PCDHGA7: variants seen among roughly 807,000 people sequenced by gnomAD.
The protein encoded by PCDHGA7 is protocadherin gamma-A7.
In PCDHGA7, 44 loss-of-function variants were observed where a neutral mutation model predicts 58.3. The ratio of observed to expected loss-of-function variants is 0.75; its 90% CI spans 0.59 to 0.97. The LOEUF (loss-of-function observed/expected upper bound fraction) is 0.97, where lower values mean the gene tolerates loss of function less well. Among genes scored for constraint, PCDHGA7 ranks in the 50% least tolerant of loss-of-function variants. The pLI is 0.00. For missense variants in PCDHGA7, 1,266 were observed against 1,188.7 expected (o/e 1.06, Z -0.96); for synonymous variants, 516 against 504.2 (o/e 1.02, Z -0.31).
rs2099631185 is a variant in PCDHGA7, at chr5:141,486,568, T to C, written c.2425-8239T>C. Reference sequence around the variant, plus strand: ...AGAGGTCACATGAGGTGTTTGTTCCTGAGAACAATCGCCCAGGGGACCTGC... The same window carrying C: ...AGAGGTCACATGAGGTGTTTGTTCCCGAGAACAATCGCCCAGGGGACCTGC... On this transcript the variant is annotated intron_variant, in intron 1 of 3. Coordinates refer to ENST00000518325, the MANE Select transcript of PCDHGA7 (RefSeq NM_018920.4). The surrounding 1 kb of genome is among the most constrained non-coding windows in gnomAD (Gnocchi z 5.0). 1.9e-6 allele frequency: 3 copies of C among 1,613,862 alleles called. No homozygotes were observed. The South Asian group carries it at 3.3e-5, about 18-fold the overall frequency.
At position 141,404,169 on chromosome 5, in the gene PCDHGA7, C is replaced by A; in HGVS notation, c.2424+18846C>A. On this transcript the variant is annotated intron_variant, in intron 1 of 3. Transcript: ENST00000518325. Reference sequence around the variant, plus strand: ...GAAGAAGATTATTACAGATTGTTGACGGCCCAAATTCTTGACCGAGAAAAA... The same window carrying A: ...GAAGAAGATTATTACAGATTGTTGAAGGCCCAAATTCTTGACCGAGAAAAA... 1 of 1,612,736 alleles carries A rather than the reference C, an allele frequency of 6.2e-7. No individual in the cohort carries two copies. The highest frequency in any genetic ancestry group is 8.5e-7 in the Non-Finnish European group (1 of 1,179,276).
Position 141,449,530 on chromosome 5 carries a change from A to G in PCDHGA7, c.2425-45277A>G, listed in dbSNP as rs2098641850. On this transcript the variant is annotated intron_variant, in intron 1 of 3. Transcript: ENST00000518325. ...CTTGAACCTGGGAGGCGGAGGTTGC[A>G]GTGAGCCGAGATCGCACCACTGCAC... Among the ~76,000 whole-genome samples, 4 of 149,684 alleles carry G rather than the reference A, an allele frequency of 2.7e-5. No individual in the cohort carries two copies. The South Asian group carries it at 8.5e-4, about 32-fold the overall frequency.
chr5:141,504,200 G>C (rs1232187138), intron 2 of PCDHGA7, among the ~76,000 whole-genome samples: 1 of 152,154 alleles, frequency 6.6e-6, no homozygotes, highest in Non-Finnish European at 1.5e-5. Context: ...TTGTCACTGT[G>C]GGAAAATTCC....
intron 1 of PCDHGA7, chr5:141,421,143 A>T (rs2096549098): frequency 3.1e-6 from 3 of 964,414 alleles, no homozygotes; most frequent in Non-Finnish European, 4.5e-6. Flanking sequence ...TTTTGGATGT[A>T]GTCGGCCTAG....
intron 1 of PCDHGA7, chr5:141,398,380 C>G: frequency 6.9e-7 from 1 of 1,455,908 alleles, no homozygotes; most frequent in South Asian, 1.2e-5. Flanking sequence ...CGGGGAGTTG[C>G]TTGTGAGCAG....
Position 141,431,994 on chromosome 5 carries a change from G to A in PCDHGA7, c.2424+46671G>A, listed in dbSNP as rs2097434865. ...TTAGTCACAGACATAGTCTTGGATA[G>A]GGAACAGGTTCCTAGCTACAACATC... On this transcript the variant is annotated intron_variant, in intron 1 of 3. Coordinates refer to ENST00000518325, the MANE Select transcript of PCDHGA7 (RefSeq NM_018920.4). The surrounding 1 kb of genome is among the most constrained non-coding windows in gnomAD (Gnocchi z 4.8). 6.2e-7 allele frequency: 1 copy of A among 1,614,188 alleles called. No homozygotes were observed. Among genetic ancestry groups the A allele is most frequent in the Non-Finnish European group, 8.5e-7 (1 of 1,180,038 alleles).
chr5:141,489,268 G>C lies in PCDHGA7; in HGVS notation c.2425-5539G>C. 6.4e-7 allele frequency: 1 copy of C among 1,553,286 alleles called. No individual in the cohort carries two copies. The highest frequency in any genetic ancestry group is 8.7e-7 in the Non-Finnish European group (1 of 1,149,780). ...GGGGCCCAAGACACTCCCACAGCTC[G>C]CTGGGAAATGGCAAGTGCTGTGCAT... On this transcript the variant is annotated intron_variant, in intron 1 of 3. Transcript: ENST00000518325. The surrounding 1 kb of genome is among the most constrained non-coding windows in gnomAD (Gnocchi z 4.5).
rs748803155 is a variant in PCDHGA7, at chr5:141,490,087, G to A, written c.2425-4720G>A. On this transcript the variant is annotated intron_variant, in intron 1 of 3. Coordinates refer to ENST00000518325, the MANE Select transcript of PCDHGA7 (RefSeq NM_018920.4). The surrounding 1 kb of genome is among the most constrained non-coding windows in gnomAD (Gnocchi z 5.4). ...CGGCCAACTAGACTATTCTTTTGGA[G>A]ACCACACATCTGAGGCAGTGCGGAA... 2.5e-6 allele frequency: 4 copies of A among 1,614,244 alleles called. No homozygotes were observed. The highest frequency in any genetic ancestry group is 1.3e-5 in the African/African-American group (1 of 75,068).
At chr5:141,433,560 G>A (rs1276743163) in intron 1 of PCDHGA7, among the ~76,000 whole-genome samples, 1 of 152,110 alleles carries the variant, frequency 6.6e-6, no homozygotes, top group East Asian at 1.9e-4. Flanking sequence ...TTCTGGCTGG[G>A]CGCGGTGGCT....
intron 1 of PCDHGA7, chr5:141,395,535 C>A: frequency 3.6e-5 from 12 of 331,892 alleles, no homozygotes; most frequent in Admixed American, 5.0e-5. Context: ...GGTAATTTTG[C>A]TATTGTTTGT....
At position 141,432,993 on chromosome 5, in the gene PCDHGA7, G is replaced by C. The variant is rs749499789; in HGVS notation, c.2424+47670G>C. 7 of 1,614,208 alleles carry C rather than the reference G, an allele frequency of 4.3e-6. No homozygotes were observed. In the South Asian group the frequency reaches 7.7e-5, roughly 18 times the overall value. On this transcript the variant is annotated intron_variant, in intron 1 of 3. Transcript: ENST00000518325. This position sits in a 1 kb window ranked among gnomAD's most constrained non-coding sequence, Gnocchi z 6.0. ...GCGTCGCACTTTGTGGGCGTGGACG[G>C]GGTGCAGGCTTTCCTGCAGACCTAT...
At chr5:141,423,880 G>A in intron 1 of PCDHGA7, 1 of 1,282,292 alleles carries the variant, frequency 7.8e-7, no homozygotes, top group Middle Eastern at 2.9e-4. Context: ...TTTCAATCTT[G>A]GCATATTTTC....
intron 1 of PCDHGA7, among the ~76,000 whole-genome samples, chr5:141,467,938 C>A (rs527892047): frequency 9.8e-5 from 15 of 152,304 alleles, no homozygotes; most frequent in Non-Finnish European, 1.5e-4. Flanking sequence ...GGATTACAAG[C>A]ATGAGCCACC....
At chr5:141,426,693 A>G (rs62378458) in intron 1 of PCDHGA7, 1 of 435,784 alleles carries the variant, frequency 2.3e-6, no homozygotes, top group African/African-American at 2.0e-5. Flanking sequence ...CCAAAATAGC[A>G]TTGTTTTACA....
chr5:141,415,654 A>G, intron 1 of PCDHGA7: 1 of 1,573,242 alleles, frequency 6.4e-7, no homozygotes. Flanking sequence ...AAAAAAAAAG[A>G]TTGGTTTTTA....
chr5:141,418,505 G>A, intron 1 of PCDHGA7: 1 of 1,614,006 alleles, frequency 6.2e-7, no homozygotes, highest in Non-Finnish European at 8.5e-7. Flanking sequence ...GACCGCCTTA[G>A]ATGGTGGGGA....
chr5:141,457,481 G>T (rs990111430), intron 1 of PCDHGA7, among the ~76,000 whole-genome samples: 1 of 152,212 alleles, frequency 6.6e-6, no homozygotes, highest in African/African-American at 2.4e-5. Context: ...CAGGGCCAGG[G>T]TTAGTCTAAA....
rs1404447940 is a variant in PCDHGA7 at position 141,428,036 on chromosome 5, C to T, written c.2424+42713C>T. On this transcript the variant is annotated intron_variant, in intron 1 of 3. Transcript: ENST00000518325. ...TGCCACGCGCCGCAGAGTCCGGCTA[C>T]CTGGTGACCAAGGTGGTGGCGGTGG... The T allele has an allele frequency of 3.7e-6, 6 of 1,608,246 alleles. No homozygotes were observed. The African/African-American group carries it at 4.0e-5, about 11-fold the overall frequency.
Position 141,478,415 on chromosome 5 carries a change from C to A in PCDHGA7, c.2425-16392C>A, listed in dbSNP as rs182700706. 5.6e-6 allele frequency: 9 copies of A among 1,613,648 alleles called. No homozygotes were observed. In the East Asian group the frequency reaches 2.0e-4, roughly 36 times the overall value. ...TCAGGTGTATCTCACCACGGACTCC[C>A]GCCGCAGCGACCCGCTGCTGAAGAA... On this transcript the variant is annotated intron_variant, in intron 1 of 3. Coordinates refer to ENST00000518325, the MANE Select transcript of PCDHGA7 (RefSeq NM_018920.4).
Sources: gnomAD v4.1 joint callset for allele counts (sites outside exome capture counted in the v4.1 genomes callset) on GRCh38, gnomAD v4.1.1 for gene constraint, Gnocchi (gnomAD v3.1) non-coding constraint, MANE v1.5 for transcripts, NCBI Gene and HGNC (gene_info 2026-07-23, HGNC 2026-07-21) for gene names.